Variants in NELL1 observed in about 807,000 individuals in gnomAD.
NELL1 encodes neural EGFL like 1, also known as protein kinase C-binding protein NELL1.
NELL1 carries 76 observed loss-of-function variants against 107.4 expected under a neutral mutation model. That is an observed-to-expected ratio of 0.71 (90% CI 0.59 to 0.86). NELL1 has a LOEUF of 0.86. NELL1 is among the 40% of genes least tolerant of loss of function. NELL1 has a pLI of 0.00. For synonymous variants in NELL1, 353 were observed against 341.2 expected, an observed-to-expected ratio of 1.03 and a Z score of -0.38; for missense variants, 1,024 against 1,005.5, an observed-to-expected ratio of 1.02 and a Z score of -0.25.
intron 13 of NELL1, among the ~76,000 whole-genome samples, chr11:21,181,283 A>G (rs1856821597): frequency 6.6e-6 from 1 of 151,816 alleles, no homozygotes; most frequent in Non-Finnish European, 1.5e-5. Flanking sequence ...TTTTGCCACT[A>G]CTCATGGTGA....
chr11:21,144,108 G>A (rs1423448875), intron 13 of NELL1, among the ~76,000 whole-genome samples: 1 of 152,194 alleles, frequency 6.6e-6, no homozygotes, highest in Non-Finnish European at 1.5e-5. Flanking sequence ...CGATGGTGGA[G>A]CATTAGTTTC....
intron 15 of NELL1, among the ~76,000 whole-genome samples, chr11:21,528,296 A>T (rs996859144): frequency 6.6e-6 from 1 of 152,110 alleles, no homozygotes; most frequent in African/African-American, 2.4e-5. Context: ...ACCAAAATTC[A>T]TGCTGATTTT....
chr11:20,961,511 C>A (rs946136048), intron 12 of NELL1, among the ~76,000 whole-genome samples: 1 of 152,132 alleles, frequency 6.6e-6, no homozygotes, highest in African/African-American at 2.4e-5. Flanking sequence ...AATTCCTGGT[C>A]ACTTTCCTCT....
chr11:21,006,213 G>T (rs1434123323), intron 12 of NELL1, among the ~76,000 whole-genome samples: 1 of 152,068 alleles, frequency 6.6e-6, no homozygotes. Flanking sequence ...GATATTTAGA[G>T]GTGGAGGCTT....
chr11:20,922,084 C>T (rs1236429900), intron 7 of NELL1, among the ~76,000 whole-genome samples: 3 of 151,934 alleles, frequency 2.0e-5, no homozygotes, highest in African/African-American at 7.3e-5. Flanking sequence ...TCTTTTTGTT[C>T]ACTCTAACAC....
intron 16 of NELL1, among the ~76,000 whole-genome samples, chr11:21,539,393 A>G (rs996605229): frequency 6.6e-6 from 1 of 152,038 alleles, no homozygotes; most frequent in African/African-American, 2.4e-5. Context: ...ACAGAGGGCC[A>G]GTGTGACGGC....
Position 21,232,220 on chromosome 11 carries a change from C to T in NELL1, c.1549+2766C>T, listed in dbSNP as rs980216258. ...TGGTGTCCACCTGTAATCCCAGCTA[C>T]TCGGGAGGCTGAGGCAGGCGAATTG... On this transcript the variant is annotated intron_variant, in intron 14 of 19. Transcript: ENST00000357134. Among the ~76,000 whole-genome samples, 7 of 145,814 alleles carry T rather than the reference C, an allele frequency of 4.8e-5. No homozygotes were observed. The East Asian group carries it at 7.9e-4, about 17-fold the overall frequency.
chr11:21,181,174 T>C (rs1017452621), intron 13 of NELL1, among the ~76,000 whole-genome samples: 2 of 151,900 alleles, frequency 1.3e-5, no homozygotes, highest in African/African-American at 4.9e-5. Flanking sequence ...GGCTTTCATT[T>C]GGCTGACATG....
At chr11:21,328,023 T>C (rs1850184334) in intron 14 of NELL1, among the ~76,000 whole-genome samples, 1 of 152,146 alleles carries the variant, frequency 6.6e-6, no homozygotes, top group South Asian at 2.1e-4. Flanking sequence ...AAGAAAACCC[T>C]ATTTTCTGTG....
At chr11:20,711,597 A>G (rs746025060) in intron 2 of NELL1, among the ~76,000 whole-genome samples, 1 of 148,682 alleles carries the variant, frequency 6.7e-6, no homozygotes, top group African/African-American at 2.5e-5. Context: ...TCTCTAAGCA[A>G]TTTTTTTTTT....
chr11:21,341,812 T>G (rs1024662916), intron 14 of NELL1, among the ~76,000 whole-genome samples: 1 of 152,248 alleles, frequency 6.6e-6, no homozygotes, highest in Non-Finnish European at 1.5e-5. Context: ...GCCTTAGAGC[T>G]TTTAGAGTTC....
Position 21,384,848 on chromosome 11 carries a change from G to C in NELL1, c.1645+13900G>C, listed in dbSNP as rs551544620. 4.6e-5 allele frequency among the ~76,000 whole-genome samples: 7 copies of C among 152,026 alleles called. No individual in the cohort carries two copies. In the East Asian group the frequency reaches 1.2e-3, roughly 25 times the overall value. ...CATTTTCTTAATCCAGTCTATCATTGTTGGACATTTGGGTTGGTTCCAATG... is the reference window on the plus strand; with the variant it reads ...CATTTTCTTAATCCAGTCTATCATTCTTGGACATTTGGGTTGGTTCCAATG... On this transcript the variant is annotated intron_variant, in intron 15 of 19. Coordinates refer to ENST00000357134, the MANE Select transcript of NELL1 (RefSeq NM_006157.5).
chr11:20,698,394 A>T (rs1291644466), intron 2 of NELL1, among the ~76,000 whole-genome samples: 2 of 152,170 alleles, frequency 1.3e-5, no homozygotes, highest in Non-Finnish European at 2.9e-5. Context: ...CTGCCATCAA[A>T]TAGTACATTA....
intron 12 of NELL1, among the ~76,000 whole-genome samples, chr11:21,021,235 C>T (rs928066569): frequency 1.3e-5 from 2 of 150,870 alleles, no homozygotes; most frequent in African/African-American, 2.4e-5. Context: ...AAGCTGCATA[C>T]TCTGAATGCA....
At chr11:21,322,649 C>T in intron 14 of NELL1, among the ~76,000 whole-genome samples, 1 of 152,046 alleles carries the variant, frequency 6.6e-6, no homozygotes, top group Non-Finnish European at 1.5e-5. Context: ...CAAGTGTTGA[C>T]TGTGATCCAA....
chr11:20,796,167 C>A (rs1857165603), intron 3 of NELL1, among the ~76,000 whole-genome samples: 1 of 152,190 alleles, frequency 6.6e-6, no homozygotes, highest in East Asian at 1.9e-4. Context: ...GACCGTCCCA[C>A]CATTTGAAAT....
intron 12 of NELL1, among the ~76,000 whole-genome samples, chr11:21,035,077 T>A (rs1240240397): frequency 6.6e-6 from 1 of 152,016 alleles, no homozygotes; most frequent in Non-Finnish European, 1.5e-5. Flanking sequence ...CCCACAGAAC[T>A]ACAAACAACC....
intron 9 of NELL1, among the ~76,000 whole-genome samples, chr11:20,936,571 G>A (rs1308477334): frequency 1.3e-5 from 2 of 152,110 alleles, no homozygotes; most frequent in Non-Finnish European, 2.9e-5. Flanking sequence ...CATCGAAGGG[G>A]GTCTAGGTTC....
intron 12 of NELL1, among the ~76,000 whole-genome samples, chr11:21,007,441 G>A (rs934249031): frequency 4.6e-5 from 7 of 152,016 alleles, no homozygotes; most frequent in African/African-American, 1.4e-4. Flanking sequence ...GGCATGCAGT[G>A]AGAAACTGCA....
Sources: gnomAD v4.1 joint callset for allele counts (sites outside exome capture counted in the v4.1 genomes callset) on GRCh38, gnomAD v4.1.1 for gene constraint, MANE v1.5 for transcripts, NCBI Gene and HGNC (gene_info 2026-07-23, HGNC 2026-07-21) for gene names.